Variants in ZNF18 observed in about 807,000 individuals in gnomAD.
ZNF18 encodes the protein zinc finger protein 18.
Under a neutral mutation model 58.1 loss-of-function variants are expected in ZNF18, and 42 were observed. The ratio of observed to expected loss-of-function variants is 0.72; its 90% CI spans 0.56 to 0.93. The LOEUF (loss-of-function observed/expected upper bound fraction) is 0.93, where lower values mean the gene tolerates loss of function less well. Among genes scored for constraint, ZNF18 ranks in the 40% least tolerant of loss-of-function variants. The pLI, the probability that ZNF18 is intolerant of heterozygous loss-of-function variation, is 0.00. For synonymous variants in ZNF18, 231 were observed against 239.8 expected, an observed-to-expected ratio of 0.96 and a Z score of 0.34; for missense variants, 540 against 644.2, an observed-to-expected ratio of 0.84 and a Z score of 1.75.
the ZNF18 span, among the ~76,000 whole-genome samples, chr17:12,016,924 C>T: frequency 1.8e-4 from 28 of 151,956 alleles, no homozygotes; most frequent in Admixed American, 5.9e-4. Flanking sequence ...TGGCCAGGTG[C>T]GGTGGCTCAC....
At chr17:12,019,983 A>G in the ZNF18 span, among the ~76,000 whole-genome samples, 1 of 152,236 alleles carries the variant, frequency 6.6e-6, no homozygotes, top group Admixed American at 6.5e-5. Flanking sequence ...GTAGCCTCAT[A>G]GAGAACTTTT....
chr17:11,998,342 T>G (rs770498845), upstream of ZNF18: 10 of 152,174 alleles, frequency 6.6e-5, no homozygotes, highest in East Asian at 1.7e-3. Flanking sequence ...AAGTATCATG[T>G]CAAAGTTTGG....
At chr17:11,982,940 T>G (rs1034421429) in intron 6 of ZNF18, among the ~76,000 whole-genome samples, 1 of 152,130 alleles carries the variant, frequency 6.6e-6, no homozygotes, top group Admixed American at 6.6e-5. Flanking sequence ...CTAGGAAGGG[T>G]AATAATGGCT....
At chr17:11,984,970 G>A (rs1465999864) in intron 4 of ZNF18, among the ~76,000 whole-genome samples, 3 of 152,182 alleles carry the variant, frequency 2.0e-5, no homozygotes, top group Non-Finnish European at 1.5e-5. Context: ...AAGCAAGTGC[G>A]AATCAGTAAG....
upstream of ZNF18, among the ~76,000 whole-genome samples, chr17:12,000,910 C>A (rs888224253): frequency 3.3e-5 from 5 of 152,090 alleles, no homozygotes; most frequent in African/African-American, 1.2e-4. Context: ...AGAATTAGAG[C>A]AGCAAATATA....
At chr17:11,983,032 A>C (rs1050158419) in intron 6 of ZNF18, among the ~76,000 whole-genome samples, 4 of 152,202 alleles carry the variant, frequency 2.6e-5, no homozygotes, top group Non-Finnish European at 4.4e-5. Flanking sequence ...TCAGAGAAAG[A>C]AAGCTAAAAT....
the ZNF18 span, among the ~76,000 whole-genome samples, chr17:12,020,541 G>C: frequency 1.3e-5 from 2 of 152,168 alleles, no homozygotes; most frequent in African/African-American, 4.8e-5. Flanking sequence ...GGACTTTTGG[G>C]AGTCACAGAC....
chr17:11,986,124 G>A (rs113393533), intron 4 of ZNF18, among the ~76,000 whole-genome samples: 42 of 152,282 alleles, frequency 2.8e-4, no homozygotes, highest in African/African-American at 9.4e-4. Context: ...GATAACATCC[G>A]ATGGCTTTAA....
At chr17:12,016,520 G>C in the ZNF18 span, among the ~76,000 whole-genome samples, 3 of 152,040 alleles carry the variant, frequency 2.0e-5, no homozygotes, top group Non-Finnish European at 4.4e-5. Context: ...AGTAGAGATG[G>C]GGTTTCGCGA....
chr17:12,018,475 T>C, the ZNF18 span, among the ~76,000 whole-genome samples: 1 of 152,206 alleles, frequency 6.6e-6, no homozygotes, highest in African/African-American at 2.4e-5. Context: ...AATCTCTTTA[T>C]AAAGACACCA....
chr17:12,013,248 C>A, the ZNF18 span, among the ~76,000 whole-genome samples: 1 of 152,302 alleles, frequency 6.6e-6, no homozygotes, highest in South Asian at 2.1e-4. Context: ...CTGTGCCTGG[C>A]CAATTTATAG....
At chr17:12,020,725 G>C in the ZNF18 span, 4 of 372,258 alleles carry the variant, frequency 1.1e-5, no homozygotes, top group South Asian at 1.4e-4. Flanking sequence ...CATCTGGCCC[G>C]GGCTGCGCGT....
chr17:11,981,077 A>G (rs988757476), intron 6 of ZNF18, among the ~76,000 whole-genome samples: 1 of 151,936 alleles, frequency 6.6e-6, no homozygotes, highest in African/African-American at 2.4e-5. Context: ...TTCACTCTCT[A>G]TATTGACTTT....
chr17:12,009,155 T>G, the ZNF18 span: 8 of 152,168 alleles, frequency 5.3e-5, no homozygotes, highest in Non-Finnish European at 1.0e-4. Context: ...TTTTTCCCAG[T>G]GAAGAATCCA....
chr17:11,981,199 C>T (rs10852800), intron 6 of ZNF18, among the ~76,000 whole-genome samples: 26,326 of 152,110 alleles, frequency 0.17, 2,405 homozygotes, highest in Admixed American at 0.21. Flanking sequence ...GTCTCCTCCC[C>T]GGACAGCCCG....
At chr17:12,004,919 G>A in the ZNF18 span, among the ~76,000 whole-genome samples, 1 of 149,800 alleles carries the variant, frequency 6.7e-6, no homozygotes, top group Non-Finnish European at 1.5e-5. Context: ...AAAGAAATGT[G>A]CATTTATATC....
intron 4 of ZNF18, among the ~76,000 whole-genome samples, chr17:11,989,245 AGCCCGGGAGGTCAAGGCTGCAGTGAG>A (rs1297214640): frequency 2.6e-5 from 4 of 152,014 alleles, no homozygotes; most frequent in Non-Finnish European, 5.9e-5. Context: ...GTATGGTTTG[AGCCCGGGAGGTCAAGGCTGCAGTGAG>A]CTATGACTGC....
At chr17:11,983,208 C>A in intron 6 of ZNF18, 89 bp downstream of exon 6, 1 of 936,364 alleles carries the variant, frequency 1.1e-6, no homozygotes, top group East Asian at 2.4e-5. Flanking sequence ...TATTCTGCCT[C>A]CCCTGACCTC....
upstream of ZNF18, among the ~76,000 whole-genome samples, chr17:12,000,821 T>C (rs1022444763): frequency 1.3e-5 from 2 of 152,210 alleles, no homozygotes; most frequent in Non-Finnish European, 2.9e-5. Context: ...ATAAAATCAC[T>C]GGTGACCTTG....
Sources: allele counts gnomAD v4.1 joint callset (sites outside exome capture counted in the v4.1 genomes callset), GRCh38; gene constraint gnomAD v4.1.1; transcripts MANE v1.5; gene names NCBI Gene and HGNC (gene_info 2026-07-23, HGNC 2026-07-21).